Variants in PDK1 observed in about 807,000 individuals in gnomAD.
The protein encoded by PDK1 is [Pyruvate dehydrogenase (acetyl-transferring)] kinase isozyme 1, mitochondrial.
Under a neutral mutation model 54.2 loss-of-function variants are expected in PDK1, and 39 were observed. The ratio of observed to expected loss-of-function variants is 0.72; its 90% CI spans 0.56 to 0.94. The LOEUF (loss-of-function observed/expected upper bound fraction) is 0.94. Ranked by LOEUF, PDK1 falls within the 40% of genes least tolerant of loss-of-function variation. The pLI, the probability that PDK1 is intolerant of heterozygous loss-of-function variation, is 0.00. For synonymous variants in PDK1, 221 were observed against 207.1 expected, an observed-to-expected ratio of 1.07 and a Z score of -0.58; for missense variants, 552 against 566.0, an observed-to-expected ratio of 0.98 and a Z score of 0.25.
the PDK1 span, among the ~76,000 whole-genome samples, chr2:172,621,471 G>A: frequency 6.6e-6 from 1 of 151,316 alleles, no homozygotes; most frequent in East Asian, 1.9e-4. Context: ...CCCTCAGCTT[G>A]CAGATGGCCT....
Position 172,579,908 on chromosome 2 carries a change from C to T in PDK1, c.946-6370C>T, listed in dbSNP as rs530156017. ...CATGACATCACTCCCTGTTTTTTATCGCTTCAACTTTTTATTCTATTCTGT... is the reference window on the plus strand; with the variant it reads ...CATGACATCACTCCCTGTTTTTTATTGCTTCAACTTTTTATTCTATTCTGT... On this transcript the variant is annotated intron_variant, in intron 8 of 10. Transcript: ENST00000282077. 2.9e-4 allele frequency among the ~76,000 whole-genome samples: 44 copies of T among 151,942 alleles called. No homozygotes were observed. In the Middle Eastern group the frequency reaches 0.01, roughly 35 times the overall value.
intron 8 of PDK1, among the ~76,000 whole-genome samples, chr2:172,575,185 C>G (rs1481659092): frequency 6.6e-6 from 1 of 152,088 alleles, no homozygotes; most frequent in Non-Finnish European, 1.5e-5. Flanking sequence ...TCAAACCAAC[C>G]TTGCATTCTT....
the PDK1 span, among the ~76,000 whole-genome samples, chr2:172,696,835 T>C: frequency 6.6e-6 from 1 of 152,192 alleles, no homozygotes; most frequent in Non-Finnish European, 1.5e-5. Context: ...TATAGGATCC[T>C]TGTAGTGTAT....
chr2:172,684,666 G>C, the PDK1 span, among the ~76,000 whole-genome samples: 27,798 of 152,018 alleles, frequency 0.18, 2,992 homozygotes, highest in African/African-American at 0.3. Flanking sequence ...TCCTTTACTT[G>C]TGTCTTCAGT....
At chr2:172,594,245 G>A (rs1690770089) in intron 10 of PDK1, among the ~76,000 whole-genome samples, 1 of 151,970 alleles carries the variant, frequency 6.6e-6, no homozygotes, top group Non-Finnish European at 1.5e-5. Context: ...GGCTGATCTC[G>A]AACTCCTGAC....
chr2:172,706,530 A>G, the PDK1 span, among the ~76,000 whole-genome samples: 1 of 151,222 alleles, frequency 6.6e-6, no homozygotes, highest in African/African-American at 2.4e-5. Context: ...GGCTCAGGTG[A>G]TCCTCCCACT....
At chr2:172,653,978 C>T in the PDK1 span, among the ~76,000 whole-genome samples, 150,808 of 152,334 alleles carry the variant, frequency 0.99, 74,682 homozygotes, top group Middle Eastern at 1. Flanking sequence ...GAACAGACAC[C>T]TCTCAAAAGA....
chr2:172,593,589 T>TCTTAGTTTTCAAGGAAACATTCCC lies in PDK1; in HGVS notation c.1170+545_1170+568dup, dbSNP rs1222724615. Among the ~76,000 whole-genome samples, 88 of 152,348 alleles carry TCTTAGTTTTCAAGGAAACATTCCC rather than the reference T, an allele frequency of 5.8e-4. 1 individual carries two copies. The South Asian group carries it at 0.018, about 32-fold the overall frequency. ...TTCATGAGTCTTTCCAAAACATTCA[T>TCTTAGTTTTCAAGGAAACATTCCC]CTTAGTTTTCAAGGAAACATTCCCC... On this transcript the variant is annotated intron_variant, in intron 10 of 10. Coordinates refer to ENST00000282077, the MANE Select transcript of PDK1 (RefSeq NM_002610.5).
chr2:172,654,461 G>A, the PDK1 span, among the ~76,000 whole-genome samples: 5 of 152,254 alleles, frequency 3.3e-5, no homozygotes, highest in South Asian at 6.2e-4. Flanking sequence ...TCCTTTGTAG[G>A]GACATGGATG....
At chr2:172,589,686 T>A (rs1690463813) in intron 9 of PDK1, among the ~76,000 whole-genome samples, 1 of 152,142 alleles carries the variant, frequency 6.6e-6, no homozygotes, top group Admixed American at 6.5e-5. Context: ...TTGGTGGAGT[T>A]AGGTAAAGCT....
the PDK1 span, chr2:172,674,229 C>T: frequency 2.6e-5 from 4 of 152,484 alleles, no homozygotes; most frequent in African/African-American, 9.6e-5. Context: ...ACCCAGAAGT[C>T]TCTCAAGGGT....
At chr2:172,681,543 T>C in the PDK1 span, among the ~76,000 whole-genome samples, 1 of 152,210 alleles carries the variant, frequency 6.6e-6, no homozygotes, top group Non-Finnish European at 1.5e-5. Context: ...CAAATATTCA[T>C]TGAGCACCTA....
chr2:172,570,244 A>T (rs75447814), intron 7 of PDK1, among the ~76,000 whole-genome samples: 1,935 of 152,316 alleles, frequency 0.013, 48 homozygotes, highest in African/African-American at 0.043. Context: ...CTTTACAATG[A>T]CAATACCCTT....
the PDK1 span, among the ~76,000 whole-genome samples, chr2:172,662,493 C>CGTGTGTGTGTGTGTGTGTGTGTGTGT: frequency 3.1e-3 from 451 of 143,590 alleles, 7 homozygotes; most frequent in Middle Eastern, 0.014. Context: ...TTTTTAAAAT[C>CGTGTGTGTGTGTGTGTGTGTGTGTGT]GTGTGTGTGT....
the PDK1 span, among the ~76,000 whole-genome samples, chr2:172,644,077 G>C: frequency 1.3e-5 from 2 of 152,180 alleles, no homozygotes; most frequent in African/African-American, 4.8e-5. Context: ...GGCATGACAG[G>C]TGTACAGCAA....
At chr2:172,711,865 CAAAAAAAAAAA>C in the PDK1 span, among the ~76,000 whole-genome samples, 262 of 22,782 alleles carry the variant, frequency 0.012, 5 homozygotes, top group Non-Finnish European at 0.02. Flanking sequence ...GAACCTAGCT[CAAAAAAAAAAA>C]AAAAAAAAAA....
At chr2:172,573,211 A>G (rs1423240583) in intron 8 of PDK1, among the ~76,000 whole-genome samples, 2 of 152,174 alleles carry the variant, frequency 1.3e-5, no homozygotes, top group African/African-American at 2.4e-5. Context: ...GTCATCAACA[A>G]TGTGTGAAGG....
At chr2:172,555,971 C>G (rs1438499581), upstream of PDK1, 4 of 421,882 alleles carry the variant, frequency 9.5e-6, no homozygotes, top group Non-Finnish European at 1.2e-5. Context: ...CTCCCCGCCT[C>G]CTTCCCGCTC....
At chr2:172,620,591 C>T in the PDK1 span, among the ~76,000 whole-genome samples, 14 of 152,186 alleles carry the variant, frequency 9.2e-5, no homozygotes, top group African/African-American at 3.1e-4. Context: ...AATTATAATC[C>T]GCAGTATTGG....
Sources: gnomAD v4.1 joint callset for allele counts (sites outside exome capture counted in the v4.1 genomes callset) on GRCh38, gnomAD v4.1.1 for gene constraint, MANE v1.5 for transcripts, NCBI Gene and HGNC (gene_info 2026-07-23, HGNC 2026-07-21) for gene names.